AK6: variants seen among roughly 807,000 people sequenced by gnomAD.
The protein encoded by AK6 is adenylate kinase isoenzyme 6.
AK6 carries 24 observed loss-of-function variants against 23.7 expected under a neutral mutation model. The observed-to-expected ratio is 1.01, with a 90% CI of 0.73 to 1.43. The LOEUF is 1.43. Ranked by LOEUF, AK6 falls within the 40% of genes most tolerant of loss-of-function variation. The pLI, the probability that AK6 is intolerant of heterozygous loss-of-function variation, is 0.00. For missense variants in AK6, 191 were observed against 199.1 expected (o/e 0.96, Z 0.24); for synonymous variants, 73 against 69.8 (o/e 1.05, Z -0.23).
At chr5:69,358,199 G>A (rs890080585) in intron 2 of AK6, among the ~76,000 whole-genome samples, 1 of 152,066 alleles carries the variant, frequency 6.6e-6, no homozygotes, top group East Asian at 1.9e-4. Context: ...AAACACGGAG[G>A]TTCCTTCATA....
intron 2 of AK6, among the ~76,000 whole-genome samples, chr5:69,361,412 C>T (rs545155415): frequency 3.3e-5 from 5 of 151,986 alleles, no homozygotes; most frequent in South Asian, 2.1e-4. Context: ...TGAGCCACCG[C>T]GCCCGGCCCA....
At chr5:69,364,970 ATCATCG>A (rs1278255038) in intron 2 of AK6, 4 of 1,612,694 alleles carry the variant, frequency 2.5e-6, no homozygotes, top group African/African-American at 1.3e-5. Context: ...CATCATCATC[ATCATCG>A]TCATCATCAT....
At position 69,365,143 on chromosome 5, in the gene AK6, C is replaced by T. The variant is rs369915657; in HGVS notation, c.121+1360G>A. 1.2e-6 allele frequency: 2 copies of T among 1,614,052 alleles called. No homozygotes were observed. Among genetic ancestry groups the T allele is most frequent in the African/African-American group, 2.7e-5 (2 of 74,924 alleles). The stretch of plus-strand genomic sequence containing the variant: ...GAGGTTGCAGGAATTGAAGCTTTTA[C>T]AGCTGGAGACTGAGAAGTAGGCATC... On this transcript the variant is annotated intron_variant, in intron 2 of 4. Transcript: ENST00000380822.
chr5:69,358,097 AT>A (rs1157305361), intron 2 of AK6, among the ~76,000 whole-genome samples: 1 of 152,212 alleles, frequency 6.6e-6, no homozygotes, highest in Non-Finnish European at 1.5e-5. Flanking sequence ...TCCATATACT[AT>A]TTTTACAGTA....
intron 2 of AK6, among the ~76,000 whole-genome samples, chr5:69,365,987 T>C (rs1762406658): frequency 1.3e-5 from 2 of 152,098 alleles, no homozygotes; most frequent in South Asian, 4.1e-4. Context: ...AAGACACAAA[T>C]AAGGGAGCGA....
intron 2 of AK6, chr5:69,365,053 T>C (rs780852765): frequency 1.2e-6 from 2 of 1,614,098 alleles, no homozygotes; most frequent in Non-Finnish European, 1.7e-6. Flanking sequence ...GACATCATAT[T>C]AGTGGTAATA....
intron 4 of AK6, among the ~76,000 whole-genome samples, chr5:69,355,178 T>C (rs981503225): frequency 1.3e-5 from 2 of 152,160 alleles, no homozygotes; most frequent in Non-Finnish European, 2.9e-5. Flanking sequence ...AGATTGTCAG[T>C]TGAGATATTA....
chr5:69,363,754 A>G (rs1762307052), intron 2 of AK6, among the ~76,000 whole-genome samples: 1 of 151,762 alleles, frequency 6.6e-6, no homozygotes, highest in South Asian at 2.1e-4. Context: ...ACTGCACTCC[A>G]GTCTGGGCGA....
At chr5:69,365,487 G>A (rs1762382709) in intron 2 of AK6, 1 of 1,614,108 alleles carries the variant, frequency 6.2e-7, no homozygotes, top group African/African-American at 1.3e-5. Flanking sequence ...GGGAGGAGAG[G>A]TAAAAGACTG....
chr5:69,365,065 G>A lies in AK6; in HGVS notation c.121+1438C>T, dbSNP rs17849755. 1.2e-6 allele frequency: 2 copies of A among 1,614,164 alleles called. No individual in the cohort carries two copies. Among genetic ancestry groups the A allele is most frequent in the South Asian group, 2.2e-5 (2 of 91,086 alleles). ...GATGACATCATATTAGTGGTAATAA[G>A]AATGTTTTTGGACCCGATTAATGAT... is the stretch of plus-strand genomic sequence containing the variant. On this transcript the variant is annotated intron_variant, in intron 2 of 4. Transcript: ENST00000380822.
chr5:69,351,347 G>A lies in AK6; in HGVS notation c.*714C>T, dbSNP rs1296706326. The A allele has an allele frequency of 1.3e-5, 2 of 151,814 alleles. No homozygotes were observed. The highest frequency in any genetic ancestry group is 4.8e-5 in the African/African-American group (2 of 41,314). The allele number at this position is 151,814 out of a possible 1,614,324, so 9.4% of individuals were successfully genotyped here. On this transcript the variant is annotated 3_prime_UTR_variant, in exon 5 of 5. Coordinates refer to ENST00000380822, the MANE Select transcript of AK6 (RefSeq NM_016283.5). ...CGGTTCTGATTATACACTTCAAAAT[G>A]GTAAATTTTATTGTATGATATGTAT...
At position 69,369,502 on chromosome 5, in the gene AK6, C is replaced by G. The variant is rs1561226258; in HGVS notation, c.-12G>C. On this transcript the variant is annotated 5_prime_UTR_variant, in exon 1 of 5. Coordinates refer to ENST00000380822, the MANE Select transcript of AK6 (RefSeq NM_016283.5). ...TTCGGAAGCAACATGGTCCCCGCCG[C>G]GACGGCTTCGGGCGCCTCGCTCACG... The G allele has an allele frequency of 3.1e-6, 5 of 1,611,336 alleles. No homozygotes were observed. The South Asian group carries it at 4.4e-5, about 14-fold the overall frequency.
intron 4 of AK6, among the ~76,000 whole-genome samples, chr5:69,352,992 A>G (rs1761987131): frequency 6.6e-6 from 1 of 152,246 alleles, no homozygotes; most frequent in African/African-American, 2.4e-5. Flanking sequence ...AAGTGAAACA[A>G]CCCAAATGTC....
In AK6 at chr5:69,352,144, T is replaced by C. The variant is rs1440405851; in HGVS notation, c.436A>G (p.Ser146Gly). Residue 146 changes from serine (S) to glycine (G), a missense_variant, in exon 5 of 5, where the codon AGT (serine) becomes GGT (glycine). Transcript: ENST00000380822. ...YKEEIVHQLP[S>G]NKPEELENNV... ...TTTTCTAGCTCTTCTGGTTTATTAC[T>C]GGGCAGCTGATGCACGATTTCTTCC... The C allele has an allele frequency of 1.2e-6, 2 of 1,613,992 alleles. No homozygotes were observed. The highest frequency in any genetic ancestry group is 2.2e-5 in the East Asian group (1 of 44,870).
At chr5:69,354,363 T>C (rs1762027613) in intron 4 of AK6, among the ~76,000 whole-genome samples, 1 of 152,224 alleles carries the variant, frequency 6.6e-6, no homozygotes, top group African/African-American at 2.4e-5. Context: ...ACTTTTTCTA[T>C]ATGTATATTT....
chr5:69,368,651 C>T (rs1762636756), intron 1 of AK6, among the ~76,000 whole-genome samples: 1 of 152,178 alleles, frequency 6.6e-6, no homozygotes, highest in African/African-American at 2.4e-5. Flanking sequence ...TGTAACTTTA[C>T]TGTTCCCACA....
At chr5:69,360,298 AG>A (rs1381263554) in intron 2 of AK6, among the ~76,000 whole-genome samples, 1 of 152,182 alleles carries the variant, frequency 6.6e-6, no homozygotes, top group Admixed American at 6.5e-5. Flanking sequence ...GGGGTACTGT[AG>A]GGATGTGTAG....
At chr5:69,356,420 A>T (rs1450592441) in intron 2 of AK6, among the ~76,000 whole-genome samples, 1 of 151,524 alleles carries the variant, frequency 6.6e-6, no homozygotes, top group African/African-American at 2.4e-5. Flanking sequence ...CATACGAGGT[A>T]GGAGGATCTC....
chr5:69,366,119 G>T (rs1762413018), intron 2 of AK6, among the ~76,000 whole-genome samples: 1 of 152,172 alleles, frequency 6.6e-6, no homozygotes, highest in Non-Finnish European at 1.5e-5. Flanking sequence ...TCCCACACCT[G>T]AGCTCAAAAC....
Sources: gnomAD v4.1 joint callset for allele counts (sites outside exome capture counted in the v4.1 genomes callset) on GRCh38, gnomAD v4.1.1 for gene constraint, MANE v1.5 for transcripts, NCBI Gene and HGNC (gene_info 2026-07-23, HGNC 2026-07-21) for gene names.